Variants in SHTN1 observed in about 807,000 individuals in gnomAD.
SHTN1 encodes shootin 1.
A neutral mutation model predicts 83.1 loss-of-function variants in SHTN1; 42 were observed. The observed-to-expected ratio is 0.51, with a 90% CI of 0.39 to 0.65. The LOEUF (loss-of-function observed/expected upper bound fraction) is 0.65. SHTN1 is among the 30% of genes least tolerant of loss of function. The probability of loss-of-function intolerance (pLI) is 0.00; values close to 1 mark genes in which losing one functional copy is unlikely to be tolerated. For synonymous variants in SHTN1, 224 were observed against 247.7 expected (o/e 0.90, Z 0.90); for missense variants, 622 against 737.8 (o/e 0.84, Z 1.82).
Position 116,882,456 on chromosome 10 carries a change from G to C in SHTN1, c.*3888C>G, listed in dbSNP as rs1325978503. On this transcript the variant is annotated 3_prime_UTR_variant, in exon 17 of 17. Transcript: ENST00000355371. ...CATTGCCTGAATTGCTCTTTTGTAA[G>C]CCAGTGTTGGGATTATAGCAGAGGA... 2 of 148,622 alleles carry C rather than the reference G, an allele frequency of 1.3e-5. No homozygotes were observed. The highest frequency in any genetic ancestry group is 2.5e-5 in the African/African-American group (1 of 40,314). The allele number at this position is 148,622 out of a possible 1,614,324, so 9.2% of individuals were successfully genotyped here. A position where few individuals can be genotyped will look rare whatever the true frequency, so the allele number is the denominator to read the frequency against.
Position 116,911,842 on chromosome 10 carries a change from G to A in SHTN1, c.1307C>T (p.Pro436Leu). 1 of 1,609,742 alleles carries A rather than the reference G, an allele frequency of 6.2e-7. No individual in the cohort carries two copies. Among genetic ancestry groups the A allele is most frequent in the South Asian group, 1.1e-5 (1 of 90,966 alleles). ...VNQTARPKTK[P>L]ESSKGCESAV... ...ACTTTCGCAGCCTTTCGAAGATTCT[G>A]GCTATAATTTTAATAAGAAAGAAAA... The change falls in exon 14 of 17, where the codon CCA becomes CTA. Residue 436 changes from proline (P) to leucine (L), a missense_variant and splice_region_variant. Transcript: ENST00000355371.
At chr10:117,074,821 CCTCCCGTGTCTGTAGGGAGGAT>C in intron 1 of SHTN1, among the ~76,000 whole-genome samples, 1 of 152,128 alleles carries the variant, frequency 6.6e-6, no homozygotes, top group African/African-American at 2.4e-5. Context: ...TTTGCACTGC[CCTCCCGTGTCTGTAGGGAGGAT>C]GGGCAGATAG....
chr10:117,120,439 G>A (rs1400336044), intron 1 of SHTN1, among the ~76,000 whole-genome samples: 2 of 151,898 alleles, frequency 1.3e-5, no homozygotes, highest in Non-Finnish European at 2.9e-5. Context: ...TAGTAGAGAC[G>A]GGGTTTTACC....
At chr10:117,052,630 A>G (rs1398305771) in intron 1 of SHTN1, among the ~76,000 whole-genome samples, 2 of 152,176 alleles carry the variant, frequency 1.3e-5, no homozygotes, top group Non-Finnish European at 2.9e-5. Context: ...CCATATGTCT[A>G]TAGTCAAGTG....
intron 1 of SHTN1, among the ~76,000 whole-genome samples, chr10:117,069,741 A>G (rs757404587): frequency 6.6e-5 from 10 of 152,214 alleles, no homozygotes; most frequent in Non-Finnish European, 1.5e-4. Context: ...GAGAGATCAG[A>G]GCAAAACAGC....
intron 12 of SHTN1, among the ~76,000 whole-genome samples, chr10:116,917,160 T>C (rs1431188629): frequency 6.6e-6 from 1 of 152,202 alleles, no homozygotes; most frequent in Non-Finnish European, 1.5e-5. Context: ...CATTCATTCC[T>C]TTATTCACTC....
At chr10:117,092,484 C>G (rs1470146409) in intron 1 of SHTN1, among the ~76,000 whole-genome samples, 3 of 152,174 alleles carry the variant, frequency 2.0e-5, no homozygotes, top group Non-Finnish European at 4.4e-5. Flanking sequence ...CACACAAATG[C>G]AGACACGGTA....
intron 1 of SHTN1, among the ~76,000 whole-genome samples, chr10:117,058,387 A>G (rs908226426): frequency 2.6e-5 from 4 of 152,238 alleles, no homozygotes; most frequent in Non-Finnish European, 5.9e-5. Context: ...CATTTTTCCA[A>G]AGAAGATATA....
At chr10:117,014,778 A>G (rs1054541620) in intron 2 of SHTN1, among the ~76,000 whole-genome samples, 2 of 152,336 alleles carry the variant, frequency 1.3e-5, no homozygotes, top group East Asian at 3.9e-4. Context: ...ATTCAGTGAA[A>G]GATTAGAACA....
intron 5 of SHTN1, among the ~76,000 whole-genome samples, chr10:116,953,157 A>G (rs1849834366): frequency 6.6e-6 from 1 of 152,210 alleles, no homozygotes; most frequent in Non-Finnish European, 1.5e-5. Context: ...TGTGTACTAA[A>G]TTAAAATGTT....
chr10:116,935,063 G>A (rs1589821016), intron 9 of SHTN1, among the ~76,000 whole-genome samples: 2 of 152,126 alleles, frequency 1.3e-5, no homozygotes, highest in Non-Finnish European at 2.9e-5. Flanking sequence ...GGAGATTTTG[G>A]GCTGAAACGA....
At chr10:117,120,316 C>T (rs1853904657) in intron 1 of SHTN1, among the ~76,000 whole-genome samples, 2 of 149,446 alleles carry the variant, frequency 1.3e-5, no homozygotes, top group East Asian at 4.0e-4. Flanking sequence ...GGCGTGATCT[C>T]GGCTCACTGC....
chr10:117,022,224 G>T (rs1432676792), intron 2 of SHTN1, among the ~76,000 whole-genome samples: 1 of 152,064 alleles, frequency 6.6e-6, no homozygotes, highest in Non-Finnish European at 1.5e-5. Flanking sequence ...ACAACACTTT[G>T]AATGAATATT....
chr10:116,968,622 TATA>T (rs1850486146), intron 3 of SHTN1, 27 bp downstream of exon 3: 1 of 1,535,408 alleles, frequency 6.5e-7, no homozygotes, highest in African/African-American at 1.4e-5. Context: ...CTATATGTGT[TATA>T]ATAATTCCAC....
chr10:116,954,332 A>C lies in SHTN1; in HGVS notation c.268-122T>G, dbSNP rs550564134. ...TATTCATCAACACTCACAGCAGGAC[A>C]TAACAATTAGTGGATTCATTAAATA... On this transcript the variant is annotated intron_variant, in intron 4 of 16. Transcript: ENST00000355371. 1.5e-3 allele frequency: 881 copies of C among 594,720 alleles called. 6 individuals carry two copies. Among genetic ancestry groups the C allele is most frequent in the Admixed American group, 1.9e-3 (59 of 30,632 alleles). The allele number at this position is 594,720 out of a possible 1,614,324, so 36.8% of individuals were successfully genotyped here.
chr10:116,921,885 A>G (rs1280341463), intron 11 of SHTN1, among the ~76,000 whole-genome samples: 1 of 152,170 alleles, frequency 6.6e-6, no homozygotes, highest in Admixed American at 6.5e-5. Context: ...GTTTCACAGT[A>G]AAAAGTGTAT....
At chr10:117,075,195 A>G (rs1019605067) in intron 1 of SHTN1, among the ~76,000 whole-genome samples, 8 of 152,000 alleles carry the variant, frequency 5.3e-5, no homozygotes, top group Non-Finnish European at 1.2e-4. Context: ...GCTTTGCTTT[A>G]TTGTAGTTAC....
At chr10:117,058,965 G>T (rs775074637) in intron 1 of SHTN1, among the ~76,000 whole-genome samples, 11 of 152,162 alleles carry the variant, frequency 7.2e-5, no homozygotes, top group Admixed American at 5.2e-4. Context: ...GAATGTGGTT[G>T]CCAGGGGATG....
chr10:116,933,904 T>C (rs1338401464), intron 9 of SHTN1, among the ~76,000 whole-genome samples: 1 of 152,236 alleles, frequency 6.6e-6, no homozygotes, highest in Admixed American at 6.5e-5. Context: ...TGATTTGCAT[T>C]TCTCTAATGA....
Sources: gnomAD v4.1 joint callset for allele counts (sites outside exome capture counted in the v4.1 genomes callset) on GRCh38, gnomAD v4.1.1 for gene constraint, MANE v1.5 for transcripts, NCBI Gene and HGNC (gene_info 2026-07-23, HGNC 2026-07-21) for gene names.